Variants in JAM3 observed in about 807,000 individuals in gnomAD.
JAM3 encodes junctional adhesion molecule C.
Under a neutral mutation model 39.4 loss-of-function variants are expected in JAM3, and 31 were observed. The ratio of observed to expected loss-of-function variants is 0.79; its 90% CI spans 0.59 to 1.06. The LOEUF (loss-of-function observed/expected upper bound fraction) is 1.06. Ranked by LOEUF, JAM3 falls within the 50% of genes least tolerant of loss-of-function variation. The pLI, the probability that JAM3 is intolerant of heterozygous loss-of-function variation, is 0.00. For synonymous variants in JAM3, 182 were observed against 148.7 expected, an observed-to-expected ratio of 1.22 and a Z score of -1.63; for missense variants, 455 against 391.4, an observed-to-expected ratio of 1.16 and a Z score of -1.37.
chr11:134,148,214 C>T (rs1943114585), intron 6 of JAM3: 6 of 362,050 alleles, frequency 1.7e-5, no homozygotes, highest in Non-Finnish European at 3.1e-5. Context: ...CTAATCTTGT[C>T]CTCATAACCA....
chr11:134,077,712 G>C (rs1239283167), intron 1 of JAM3, among the ~76,000 whole-genome samples: 1 of 140,540 alleles, frequency 7.1e-6, no homozygotes, highest in Non-Finnish European at 1.5e-5. Context: ...CTGGAATGCA[G>C]TGGAAATCTC....
At chr11:134,138,913 A>T (rs1942923208) in intron 1 of JAM3, among the ~76,000 whole-genome samples, 2 of 152,208 alleles carry the variant, frequency 1.3e-5, no homozygotes, top group South Asian at 4.1e-4. Flanking sequence ...GAGGCTGCCC[A>T]ATATGCAAGG....
In JAM3 at chr11:134,148,592, T is replaced by C. The variant is rs2120384725; in HGVS notation, c.758T>C (p.Leu253Pro). ...GGIIGGVLVV[L>P]AVLALITLGI... Reference sequence around the variant, plus strand: ...ATTATTGGGGGGGTTCTGGTTGTCCTTGCTGTACTGGCCCTGATCACGTTG... The same window carrying C: ...ATTATTGGGGGGGTTCTGGTTGTCCCTGCTGTACTGGCCCTGATCACGTTG... The change falls in exon 7 of 9, where the codon CTT becomes CCT. Residue 253 changes from leucine to proline, a missense_variant. Leu to Pro is a moderately conservative substitution (Grantham distance 98). Coordinates refer to ENST00000299106, the MANE Select transcript of JAM3 (RefSeq NM_032801.5). 1 of 1,614,198 alleles carries C rather than the reference T, an allele frequency of 6.2e-7. No individual in the cohort carries two copies. Among genetic ancestry groups the C allele is most frequent in the Admixed American group, 1.7e-5 (1 of 60,022 alleles).
chr11:134,145,426 T>C (rs1348624575), intron 5 of JAM3: 1 of 320,408 alleles, frequency 3.1e-6, no homozygotes, highest in Non-Finnish European at 5.9e-6. Context: ...ATAAAAGGTG[T>C]TTGGAATTTG....
Position 134,144,342 on chromosome 11 carries a change from C to T in JAM3, c.358C>T (p.Arg120Ter), listed in dbSNP as rs750102309. ...CCTTTATCGCTGTGAGGTCGTTGCT[C>T]GAAATGACCGCAAGGAAATTGATGA... ...SALYRCEVVA[R>*]NDRKEIDEIV... Residue 120 changes from arginine to a stop codon, truncating the protein, a stop_gained, in exon 4 of 9, where the codon CGA (arginine) becomes TGA (stop). Coordinates refer to ENST00000299106, the MANE Select transcript of JAM3 (RefSeq NM_032801.5). LOFTEE classifies it high-confidence loss of function. 5 of 1,614,128 alleles carry T rather than the reference C, an allele frequency of 3.1e-6. No homozygotes were observed. In the South Asian group the frequency reaches 3.3e-5, roughly 11 times the overall value.
In JAM3 at chr11:134,124,206, G is replaced by A. The variant is rs903298092; in HGVS notation, c.77-15645G>A. On this transcript the variant is annotated intron_variant, in intron 1 of 8. Transcript: ENST00000299106. ...CGTAGCATCACAAACTCGAACCAAAGTCATCACTCCATACTTCTTAAGTTC... is the reference window on the plus strand; with the variant it reads ...CGTAGCATCACAAACTCGAACCAAAATCATCACTCCATACTTCTTAAGTTC... The A allele has an allele frequency of 5.0e-5, 70 of 1,411,802 alleles. No individual in the cohort carries two copies. The Admixed American group carries it at 1.2e-3, about 23-fold the overall frequency. 87.5% of individuals were successfully genotyped at this position (1,411,802 alleles called of 1,614,324 possible). A position where few individuals can be genotyped will look rare whatever the true frequency, so the allele number is the denominator to read the frequency against.
chr11:134,089,746 G>A (rs1941809343), intron 1 of JAM3, among the ~76,000 whole-genome samples: 1 of 152,168 alleles, frequency 6.6e-6, no homozygotes, highest in Admixed American at 6.5e-5. Flanking sequence ...CTTTGCTATT[G>A]TGAATAGTGT....
At chr11:134,106,824 A>G (rs1361639394) in intron 1 of JAM3, among the ~76,000 whole-genome samples, 1 of 152,230 alleles carries the variant, frequency 6.6e-6, no homozygotes, top group African/African-American at 2.4e-5. Context: ...TTAAAAAGTC[A>G]GGAAACAACA....
At chr11:134,090,607 CCTGAA>C (rs1030002603) in intron 1 of JAM3, among the ~76,000 whole-genome samples, 26 of 152,046 alleles carry the variant, frequency 1.7e-4, no homozygotes, top group African/African-American at 6.0e-4. Context: ...GGGTTAGTAG[CCTGAA>C]CATCTGGATC....
chr11:134,123,387 C>A (rs999938679), intron 1 of JAM3, among the ~76,000 whole-genome samples: 17 of 152,008 alleles, frequency 1.1e-4, no homozygotes, highest in Non-Finnish European at 2.2e-4. Context: ...ACCCCCCCCC[C>A]CCCAAAAAAG....
intron 1 of JAM3, among the ~76,000 whole-genome samples, chr11:134,110,111 G>A (rs1300848070): frequency 3.9e-5 from 6 of 152,274 alleles, no homozygotes; most frequent in African/African-American, 1.4e-4. Context: ...TAAAACCACA[G>A]TAAGATACCA....
intron 1 of JAM3, among the ~76,000 whole-genome samples, chr11:134,133,648 G>A (rs116910384): frequency 2.2e-4 from 34 of 152,156 alleles, no homozygotes; most frequent in Admixed American, 9.8e-4. Flanking sequence ...AACTCCAGCC[G>A]CCTCTAGTCA....
chr11:134,145,371 G>T (rs1943053302), intron 5 of JAM3: 16 of 371,502 alleles, frequency 4.3e-5, no homozygotes, highest in South Asian at 3.7e-4. Context: ...AGGTATTGTG[G>T]TTACGATTTT....
intron 5 of JAM3, 70 bp from the exon 6 acceptor site, chr11:134,145,876 C>G (rs529496608): frequency 3.4e-5 from 34 of 1,013,514 alleles, no homozygotes; most frequent in South Asian, 3.2e-4. Flanking sequence ...GTTCTGGACC[C>G]AGCTGGCTGT....
chr11:134,135,645 C>T (rs1033416784), intron 1 of JAM3, among the ~76,000 whole-genome samples: 2 of 151,718 alleles, frequency 1.3e-5, no homozygotes, highest in African/African-American at 2.4e-5. Flanking sequence ...TCAAGTGATT[C>T]TCCTGTGTCA....
intron 1 of JAM3, among the ~76,000 whole-genome samples, chr11:134,113,413 A>G (rs1287929894): frequency 4.6e-5 from 7 of 152,074 alleles, no homozygotes; most frequent in Admixed American, 2.0e-4. Context: ...TCATTGTTCA[A>G]TTCCCACCTC....
chr11:134,145,517 C>G (rs537565701), intron 5 of JAM3: 1 of 321,364 alleles, frequency 3.1e-6, no homozygotes, highest in South Asian at 2.9e-5. Flanking sequence ...GACAAAGTGA[C>G]CTGGCCAGCA....
intron 1 of JAM3, among the ~76,000 whole-genome samples, chr11:134,099,939 G>C (rs1337037430): frequency 6.6e-6 from 1 of 152,060 alleles, no homozygotes. Context: ...ATCATTTTCT[G>C]CTTTGCTCAG....
At chr11:134,089,508 T>A (rs1371129596) in intron 1 of JAM3, among the ~76,000 whole-genome samples, 1 of 152,098 alleles carries the variant, frequency 6.6e-6, no homozygotes, top group Non-Finnish European at 1.5e-5. Context: ...CCTTCCTGTG[T>A]CCCTGTGTTC....
Sources: gnomAD v4.1 joint callset for allele counts (sites outside exome capture counted in the v4.1 genomes callset) on GRCh38, gnomAD v4.1.1 for gene constraint, MANE v1.5 for transcripts, NCBI Gene and HGNC (gene_info 2026-07-23, HGNC 2026-07-21) for gene names.